The following COL14A1 variants were observed in gnomAD, a reference collection of about 807,000 sequenced individuals.
The protein encoded by COL14A1 is collagen type XIV alpha 1 chain.
Under a neutral mutation model 230.3 loss-of-function variants are expected in COL14A1, and 136 were observed. That is an observed-to-expected ratio of 0.59 (90% CI 0.51 to 0.68). The LOEUF (loss-of-function observed/expected upper bound fraction) is 0.68. Ranked by LOEUF, COL14A1 falls within the 30% of genes least tolerant of loss-of-function variation. COL14A1 has a pLI of 0.00. For missense variants in COL14A1, 1,976 were observed against 2,215.8 expected (o/e 0.89, Z 2.17); for synonymous variants, 792 against 784.1 (o/e 1.01, Z -0.17).
chr8:120,128,205 G>A (rs1402660272), intron 1 of COL14A1, among the ~76,000 whole-genome samples: 1 of 102,106 alleles, frequency 9.8e-6, no homozygotes, highest in East Asian at 2.8e-4. Context: ...TTCCTGTGAC[G>A]TGTGTGTGTG....
At chr8:120,128,733 A>AT (rs1285980466) in intron 1 of COL14A1, among the ~76,000 whole-genome samples, 1 of 152,094 alleles carries the variant, frequency 6.6e-6, no homozygotes, top group Non-Finnish European at 1.5e-5. Context: ...CCTCCAGGTA[A>AT]TTTTTTTATT....
At chr8:120,234,641 C>T (rs542979084) in intron 19 of COL14A1, among the ~76,000 whole-genome samples, 2 of 152,104 alleles carry the variant, frequency 1.3e-5, no homozygotes, top group African/African-American at 4.8e-5. Flanking sequence ...GTTGAACCAG[C>T]CTTGCATCCC....
At chr8:120,309,499 T>G (rs1210411397) in intron 36 of COL14A1, among the ~76,000 whole-genome samples, 1 of 152,064 alleles carries the variant, frequency 6.6e-6, no homozygotes, top group Non-Finnish European at 1.5e-5. Context: ...TAAATAATAG[T>G]CTAGATAATA....
chr8:120,250,477 T>C (rs1818901695), intron 21 of COL14A1, 140 bp from the exon 22 acceptor site: 1 of 880,070 alleles, frequency 1.1e-6, no homozygotes. Flanking sequence ...TGAGACCAGA[T>C]TCAAACCTCA....
chr8:120,343,459 G>C lies in COL14A1; in HGVS notation c.4888+1013G>C, dbSNP rs545656664. 2.6e-5 allele frequency among the ~76,000 whole-genome samples: 4 copies of C among 152,268 alleles called. No homozygotes were observed. The South Asian group carries it at 8.3e-4, about 32-fold the overall frequency. On this transcript the variant is annotated intron_variant, in intron 44 of 47. Transcript: ENST00000297848. The stretch of plus-strand genomic sequence containing the variant: ...TGCAATATCTAAGACAGCTTTGTTG[G>C]CTAAGTCCAAAATTCCATCTTTAAT...
At chr8:120,202,371 T>C (rs1339014891) in intron 8 of COL14A1, among the ~76,000 whole-genome samples, 3 of 152,214 alleles carry the variant, frequency 2.0e-5, no homozygotes, top group Admixed American at 6.5e-5. Context: ...GGTTGAAAGA[T>C]AAATTAATTG....
chr8:120,201,690 C>T (rs922390756), intron 8 of COL14A1, among the ~76,000 whole-genome samples: 1 of 152,118 alleles, frequency 6.6e-6, no homozygotes, highest in Non-Finnish European at 1.5e-5. Context: ...ACTTTAGACC[C>T]TGTCCTAGAT....
chr8:120,192,525 TG>T (rs1816863741), intron 5 of COL14A1, among the ~76,000 whole-genome samples: 1 of 152,214 alleles, frequency 6.6e-6, no homozygotes, highest in African/African-American at 2.4e-5. Context: ...TTATGTATCT[TG>T]GAGTTGCTCT....
chr8:120,289,651 A>G lies in COL14A1; in HGVS notation c.4121A>G (p.Asp1374Gly), dbSNP rs770987470. The G allele has an allele frequency of 6.2e-7, 1 of 1,614,090 alleles. No homozygotes were observed. The highest frequency in any genetic ancestry group is 8.5e-7 in the Non-Finnish European group (1 of 1,179,966). Residue 1374 changes from aspartate to glycine, a missense_variant, in exon 34 of 48, where the codon GAC becomes GGC. Asp to Gly is a moderately conservative substitution (Grantham distance 94). This residue lies in a region of COL14A1 where 1,791 missense variants were observed against 2,019.5 expected (regional missense o/e 0.89). Coordinates refer to ENST00000297848, the MANE Select transcript of COL14A1 (RefSeq NM_021110.4). ...GAGACTTTGGTCAAAGTGGTTATTG[A>G]CTGCAAGCAAGTGGGTGAGAAGGCA... Reference protein sequence around the residue: ...VSETLVKVVIDCKQVGEKAMN... With the variant: ...VSETLVKVVIGCKQVGEKAMN...
chr8:120,196,306 T>A (rs1265511260), intron 5 of COL14A1, among the ~76,000 whole-genome samples: 2 of 152,236 alleles, frequency 1.3e-5, no homozygotes, highest in Non-Finnish European at 2.9e-5. Context: ...ATTAAATACG[T>A]GGCTGTAATG....
intron 47 of COL14A1, 23 bp from the exon 48 acceptor site, chr8:120,371,129 C>T: frequency 6.3e-7 from 1 of 1,578,812 alleles, no homozygotes. Flanking sequence ...CAGCAAGTCC[C>T]CACCCCCACT....
intron 31 of COL14A1, among the ~76,000 whole-genome samples, chr8:120,282,917 T>C (rs767567502): frequency 6.6e-6 from 1 of 152,044 alleles, no homozygotes; most frequent in Non-Finnish European, 1.5e-5. Context: ...AGTAAAAGCC[T>C]CCACCCACCC....
intron 19 of COL14A1, among the ~76,000 whole-genome samples, chr8:120,238,305 C>T (rs1342110209): frequency 6.6e-6 from 1 of 152,104 alleles, no homozygotes; most frequent in Non-Finnish European, 1.5e-5. Context: ...GATGCCCTGC[C>T]CAGAGAGGAG....
intron 45 of COL14A1, among the ~76,000 whole-genome samples, chr8:120,359,345 A>T (rs1025068743): frequency 2.6e-5 from 4 of 152,010 alleles, no homozygotes; most frequent in African/African-American, 9.6e-5. Flanking sequence ...CATGCTGAGC[A>T]TGAAGTGCTG....
rs756171281 is a variant in COL14A1, at chr8:120,285,864, G to T, written c.3971G>T (p.Gly1324Val). The T allele has an allele frequency of 5.7e-6, 9 of 1,565,468 alleles. No homozygotes were observed. Among genetic ancestry groups the T allele is most frequent in the Non-Finnish European group, 7.8e-6 (9 of 1,147,986 alleles). The change falls in exon 33 of 48, where the codon GGT (glycine) becomes GTT (valine). Residue 1324 changes from glycine (G) to valine (V), a missense_variant. Physicochemically the swap from Gly to Val is moderately radical, Grantham distance 109. Coordinates refer to ENST00000297848, the MANE Select transcript of COL14A1 (RefSeq NM_021110.4). ...ATTTTTATTTTTCTTTCAATAGATG[G>T]TGGGAAAACTCTAACATATTTCAAC... ...DPLVGVILDN[G>V]GKTLTYFNYD...
intron 25 of COL14A1, among the ~76,000 whole-genome samples, chr8:120,268,773 T>G (rs1385546175): frequency 1.3e-5 from 2 of 151,750 alleles, no homozygotes; most frequent in Non-Finnish European, 3.0e-5. Flanking sequence ...TGTGGATATA[T>G]TTTCTTTCTT....
chr8:120,366,188 T>A (rs1823401203), intron 45 of COL14A1, among the ~76,000 whole-genome samples: 1 of 152,262 alleles, frequency 6.6e-6, no homozygotes, highest in Non-Finnish European at 1.5e-5. Context: ...ACAGTGAATA[T>A]GCATTATATT....
In COL14A1 at chr8:120,212,589, AG is replaced by A. The variant is rs1259230683; in HGVS notation, c.1597+13del. On this transcript the variant is annotated intron_variant, in intron 13 of 47. Coordinates refer to ENST00000297848, the MANE Select transcript of COL14A1 (RefSeq NM_021110.4). ...ACAAGAAACAACATGTGAGCAGCAC[AG>A]CCATTCAGTTGGGATGCTGTAGTAA... 1 of 1,613,018 alleles carries A rather than the reference AG, an allele frequency of 6.2e-7. No individual in the cohort carries two copies. Among genetic ancestry groups the A allele is most frequent in the African/African-American group, 1.3e-5 (1 of 75,014 alleles).
chr8:120,145,608 A>T (rs1163345337), intron 1 of COL14A1, among the ~76,000 whole-genome samples: 1 of 152,130 alleles, frequency 6.6e-6, no homozygotes, highest in Non-Finnish European at 1.5e-5. Flanking sequence ...CAAGAGTGAG[A>T]CTCTGTCTCA....
Sources: allele counts gnomAD v4.1 joint callset (sites outside exome capture counted in the v4.1 genomes callset), GRCh38; gene constraint gnomAD v4.1.1; regional missense constraint gnomAD v4.1.1; transcripts MANE v1.5; gene names NCBI Gene and HGNC (gene_info 2026-07-23, HGNC 2026-07-21).